Variants in NAALADL2 observed in about 807,000 individuals in gnomAD.
NAALADL2 encodes inactive N-acetylated-alpha-linked acidic dipeptidase-like protein 2.
NAALADL2 carries 76 observed loss-of-function variants against 87.2 expected under a neutral mutation model. The ratio of observed to expected loss-of-function variants is 0.87; its 90% CI spans 0.72 to 1.05. The LOEUF (loss-of-function observed/expected upper bound fraction) is 1.05. Among genes scored for constraint, NAALADL2 ranks in the 50% least tolerant of loss-of-function variants. NAALADL2 has a pLI of 0.00. For synonymous variants in NAALADL2, 354 were observed against 331.0 expected (o/e 1.07, Z -0.75); for missense variants, 1,089 against 945.8 (o/e 1.15, Z -1.99).
chr3:175,714,006 T>C (rs2150009435), intron 11 of NAALADL2, among the ~76,000 whole-genome samples: 1 of 152,328 alleles, frequency 6.6e-6, no homozygotes, highest in South Asian at 2.1e-4. Context: ...CTGTATTAGT[T>C]TGCTGAGAAT....
In NAALADL2 at chr3:175,110,076, G is replaced by A. The variant is rs77039198; in HGVS notation, c.545+12785G>A. On this transcript the variant is annotated intron_variant, in intron 2 of 13. Coordinates refer to ENST00000454872, the MANE Select transcript of NAALADL2 (RefSeq NM_207015.3). ...CCTCACTTCTAAGGATTGCCTCATC[G>A]CTTTCAGTTATTGTGTTTTGGGGCA... is the stretch of plus-strand genomic sequence containing the variant. 6.7e-3 allele frequency among the ~76,000 whole-genome samples: 1,016 copies of A among 151,760 alleles called. 9 individuals are homozygous for A. The highest frequency in any genetic ancestry group is 0.023 in the African/African-American group (965 of 41,450).
At chr3:174,962,787 C>T (rs1481693298) in intron 1 of NAALADL2, among the ~76,000 whole-genome samples, 1 of 151,870 alleles carries the variant, frequency 6.6e-6, no homozygotes, top group Non-Finnish European at 1.5e-5. Flanking sequence ...GAAAAGTTTT[C>T]CTTGGACAAA....
chr3:174,965,614 G>A (rs1409374657), intron 1 of NAALADL2, among the ~76,000 whole-genome samples: 1 of 152,030 alleles, frequency 6.6e-6, no homozygotes, highest in Non-Finnish European at 1.5e-5. Flanking sequence ...CAATATTTAG[G>A]CATATTTTGT....
intron 2 of NAALADL2, among the ~76,000 whole-genome samples, chr3:175,205,027 C>T (rs940779077): frequency 2.0e-5 from 3 of 151,982 alleles, no homozygotes; most frequent in Non-Finnish European, 2.9e-5. Flanking sequence ...GATCATACTG[C>T]CAAAAGCAAT....
chr3:175,663,176 A>T lies in NAALADL2; in HGVS notation c.1896+35790A>T, dbSNP rs568647877. ...ATTTTATTTTATTTTATTTTATTTTAATTTTTCTGCCTAGTGGGGAGACAT... is the reference window on the plus strand; with the variant it reads ...ATTTTATTTTATTTTATTTTATTTTTATTTTTCTGCCTAGTGGGGAGACAT... On this transcript the variant is annotated intron_variant, in intron 11 of 13. Transcript: ENST00000454872. Among the ~76,000 whole-genome samples, 268 of 151,154 alleles carry T rather than the reference A, an allele frequency of 1.8e-3. 1 individual carries two copies. The highest frequency in any genetic ancestry group is 6.0e-3 in the African/African-American group (249 of 41,346).
At chr3:174,497,652 G>A (rs547517357) in intron 1 of NAALADL2, among the ~76,000 whole-genome samples, 5 of 152,132 alleles carry the variant, frequency 3.3e-5, no homozygotes, top group African/African-American at 4.8e-5. Context: ...CCCTAGTAGA[G>A]CATGACTTCT....
chr3:174,952,715 T>C (rs903757850), intron 1 of NAALADL2, among the ~76,000 whole-genome samples: 2 of 152,062 alleles, frequency 1.3e-5, no homozygotes, highest in Non-Finnish European at 2.9e-5. Context: ...TTGGAGTCTA[T>C]GGTGTTGCTT....
intron 12 of NAALADL2, among the ~76,000 whole-genome samples, chr3:175,738,076 C>G (rs191481531): frequency 6.6e-6 from 1 of 151,950 alleles, no homozygotes; most frequent in Non-Finnish European, 1.5e-5. Flanking sequence ...AGATTTCACC[C>G]TCCTCCTCTT....
intron 1 of NAALADL2, among the ~76,000 whole-genome samples, chr3:175,085,350 A>G (rs1560005807): frequency 6.6e-6 from 1 of 152,200 alleles, no homozygotes; most frequent in Non-Finnish European, 1.5e-5. Flanking sequence ...TACCGTAGTG[A>G]AACTAGTTAA....
At chr3:174,487,382 A>G (rs1717919655) in intron 1 of NAALADL2, among the ~76,000 whole-genome samples, 3 of 152,096 alleles carry the variant, frequency 2.0e-5, no homozygotes, top group South Asian at 2.1e-4. Flanking sequence ...ATTATTTCAA[A>G]GAATCTCCTA....
intron 11 of NAALADL2, among the ~76,000 whole-genome samples, chr3:175,667,305 A>C (rs538902471): frequency 6.6e-6 from 1 of 152,228 alleles, no homozygotes; most frequent in African/African-American, 2.4e-5. Flanking sequence ...AAATTGACTA[A>C]TTTCTATTGG....
chr3:174,496,507 A>G (rs1554139), intron 1 of NAALADL2, among the ~76,000 whole-genome samples: 3 of 77,750 alleles, frequency 3.9e-5, no homozygotes, highest in Admixed American at 1.7e-4. Context: ...ATATATTTAT[A>G]TATTATATAT....
intron 2 of NAALADL2, among the ~76,000 whole-genome samples, chr3:175,137,615 T>A (rs898374771): frequency 1.3e-5 from 2 of 151,414 alleles, no homozygotes; most frequent in Non-Finnish European, 2.9e-5. Flanking sequence ...CCCTTTTTTT[T>A]TTTTTTTTGA....
chr3:175,155,741 A>G (rs1303759210), intron 2 of NAALADL2, among the ~76,000 whole-genome samples: 2 of 152,294 alleles, frequency 1.3e-5, no homozygotes, highest in South Asian at 2.1e-4. Context: ...ATAACTGGGC[A>G]TTGGAATCAT....
At chr3:175,405,935 T>C (rs1017026577) in intron 5 of NAALADL2, among the ~76,000 whole-genome samples, 2 of 152,224 alleles carry the variant, frequency 1.3e-5, no homozygotes, top group South Asian at 2.1e-4. Context: ...TTTATTCACA[T>C]TTATTTATGT....
chr3:175,300,838 G>A (rs188795957), intron 4 of NAALADL2, among the ~76,000 whole-genome samples: 61 of 150,928 alleles, frequency 4.0e-4, no homozygotes, highest in African/African-American at 1.5e-3. Flanking sequence ...CGCCTCCCAG[G>A]TTCAAGAGAT....
At position 174,965,979 on chromosome 3, in the gene NAALADL2, A is replaced by T. The variant is rs1205631127; in HGVS notation, c.43+106529A>T. ...GACAATGAATTTGCTATGGAAGTTAAGTAGGATTGTCTGGCTTTTGTGAGT... is the reference window on the plus strand; with the variant it reads ...GACAATGAATTTGCTATGGAAGTTATGTAGGATTGTCTGGCTTTTGTGAGT... On this transcript the variant is annotated intron_variant, in intron 1 of 13. Transcript: ENST00000454872. 3.3e-5 allele frequency among the ~76,000 whole-genome samples: 5 copies of T among 152,142 alleles called. No homozygotes were observed. The East Asian group carries it at 7.7e-4, about 23-fold the overall frequency.
chr3:175,510,429 G>C (rs1041417256), intron 9 of NAALADL2, among the ~76,000 whole-genome samples: 1 of 152,138 alleles, frequency 6.6e-6, no homozygotes, highest in Non-Finnish European at 1.5e-5. Flanking sequence ...AATGAGACAT[G>C]TCAGTTGGCT....
chr3:175,199,902 A>G (rs1284290313), intron 2 of NAALADL2, among the ~76,000 whole-genome samples: 1 of 91,508 alleles, frequency 1.1e-5, no homozygotes, highest in Non-Finnish European at 2.2e-5. Flanking sequence ...TCCTTAGTCC[A>G]TCTGAAGCAA....
Sources: allele counts gnomAD v4.1 joint callset (sites outside exome capture counted in the v4.1 genomes callset), GRCh38; gene constraint gnomAD v4.1.1; transcripts MANE v1.5; gene names NCBI Gene and HGNC (gene_info 2026-07-23, HGNC 2026-07-21).